The following TUBGCP3 variants were observed in gnomAD, a reference collection of about 807,000 sequenced individuals.
The protein encoded by TUBGCP3 is gamma-tubulin complex component 3.
Under a neutral mutation model 123.1 loss-of-function variants are expected in TUBGCP3, and 50 were observed. The observed-to-expected ratio is 0.41, with a 90% CI of 0.32 to 0.51. The LOEUF (loss-of-function observed/expected upper bound fraction) is 0.51, where lower values mean the gene tolerates loss of function less well. Ranked by LOEUF, TUBGCP3 falls within the 20% of genes least tolerant of loss-of-function variation. The probability of loss-of-function intolerance (pLI) is 0.36; values close to 1 mark genes in which losing one functional copy is unlikely to be tolerated. For missense variants in TUBGCP3, 882 were observed against 1,127.0 expected (o/e 0.78, Z 3.11); for synonymous variants, 405 against 413.9 (o/e 0.98, Z 0.26).
In TUBGCP3 at chr13:112,561,891, T is replaced by C. The variant is rs552081879; in HGVS notation, c.253-2492A>G. On this transcript the variant is annotated intron_variant, in intron 3 of 21. Transcript: ENST00000261965. ...ATGAACAAAATTATGCACCAAAAAC[T>C]TAGCAAGTGACATAAAGGAGGAGGC... Among the ~76,000 whole-genome samples, 15 of 152,272 alleles carry C rather than the reference T, an allele frequency of 9.9e-5. 1 individual carries two copies. In the South Asian group the frequency reaches 3.1e-3, roughly 32 times the overall value.
chr13:112,504,561 T>C, intron 18 of TUBGCP3, 65 bp downstream of exon 18: 2 of 1,028,262 alleles, frequency 1.9e-6, no homozygotes, highest in Non-Finnish European at 3.0e-6. Context: ...TATATATATA[T>C]ATACCATGTA....
At chr13:112,531,211 A>G (rs1315202213) in intron 11 of TUBGCP3, among the ~76,000 whole-genome samples, 4 of 152,234 alleles carry the variant, frequency 2.6e-5, no homozygotes, top group Non-Finnish European at 5.9e-5. Flanking sequence ...AGGCACATGA[A>G]TAAGTGCCAA....
intron 14 of TUBGCP3, 70 bp downstream of exon 14, chr13:112,522,250 C>A (rs1876687601): frequency 1.6e-6 from 2 of 1,229,568 alleles, no homozygotes; most frequent in Non-Finnish European, 1.1e-6. Flanking sequence ...ATAATTTATT[C>A]TTTTAAATAC....
chr13:112,522,454 A>C lies in TUBGCP3; in HGVS notation c.1611T>G (p.Ala537=), dbSNP rs1368182310. ...ACAGGTATTTGCTGGTCTCAAAATA[A>C]GCAGCATCAATCTTCCCCTGAAATG... The part of the protein sequence containing the change: ...ENAFQGKIDA[A]YFETSKYLLD... Residue 537 remains alanine (A), a synonymous_variant, in exon 14 of 22, where the codon GCT becomes GCG. Transcript: ENST00000261965. 7 of 1,614,148 alleles carry C rather than the reference A, an allele frequency of 4.3e-6. No homozygotes were observed. The East Asian group carries it at 1.6e-4, about 36-fold the overall frequency.
chr13:112,534,719 A>G (rs1350302723), intron 11 of TUBGCP3, among the ~76,000 whole-genome samples: 1 of 152,152 alleles, frequency 6.6e-6, no homozygotes, highest in Admixed American at 6.5e-5. Context: ...CACAGGAGCT[A>G]CCGTAGCCGG....
In TUBGCP3 at chr13:112,524,273, AT is replaced by A. The variant is rs1225530852; in HGVS notation, c.1556-1765del. ...GTTAAATTGTCTTGGTTTTTTGTGT[AT>A]TTTTTTAGTGGCTGCCTTTTTTTAA... On this transcript the variant is annotated intron_variant, in intron 13 of 21. Transcript: ENST00000261965. This position sits in a 1 kb window ranked among gnomAD's most constrained non-coding sequence, Gnocchi z 4.4. Among the ~76,000 whole-genome samples the A allele has an allele frequency of 2.0e-5, 3 of 152,124 alleles. No homozygotes were observed. Among genetic ancestry groups the A allele is most frequent in the Non-Finnish European group, 4.4e-5 (3 of 68,024 alleles).
rs1400140407 is a variant in TUBGCP3, at chr13:112,555,998, G to T, written c.721+54C>A. On this transcript the variant is annotated intron_variant, in intron 6 of 21. Coordinates refer to ENST00000261965, the MANE Select transcript of TUBGCP3 (RefSeq NM_006322.6). Reference sequence around the variant, plus strand: ...TGGGCTGTACTTTAAAATAAGGAGAGGCTGAATTCCAAGTGTTCACAGAAA... The same window carrying T: ...TGGGCTGTACTTTAAAATAAGGAGATGCTGAATTCCAAGTGTTCACAGAAA... 4 of 1,551,532 alleles carry T rather than the reference G, an allele frequency of 2.6e-6. No homozygotes were observed. In the East Asian group the frequency reaches 9.1e-5, roughly 35 times the overall value.
chr13:112,487,782 C>T (rs954351538), intron 21 of TUBGCP3, among the ~76,000 whole-genome samples: 6 of 152,098 alleles, frequency 3.9e-5, no homozygotes, highest in African/African-American at 1.2e-4. Flanking sequence ...AGACTAAGAC[C>T]ACTTGTAAAA....
In TUBGCP3 at chr13:112,565,117, A is replaced by G; in HGVS notation, c.246T>C (p.His82=). The G allele has an allele frequency of 6.2e-7, 1 of 1,613,832 alleles. No homozygotes were observed. Among genetic ancestry groups the G allele is most frequent in the Non-Finnish European group, 8.5e-7 (1 of 1,179,936 alleles). ...ALFSELHRKL[H]SQGVLKNKWS... is the part of the protein sequence containing the mutation. ...CCAGAATTCTGCACTGTACCTGTGAATGAAGTTTTCTGTGGAGTTCTGAAA... is the reference window on the plus strand; with the variant it reads ...CCAGAATTCTGCACTGTACCTGTGAGTGAAGTTTTCTGTGGAGTTCTGAAA... The change falls in exon 3 of 22, where the codon CAT becomes CAC. Residue 82 remains histidine, a synonymous_variant. Coordinates refer to ENST00000261965, the MANE Select transcript of TUBGCP3 (RefSeq NM_006322.6).
At position 112,547,752 on chromosome 13, in the gene TUBGCP3, G is replaced by A. The variant is rs369998739; in HGVS notation, c.1036C>T (p.Leu346=). Residue 346 remains leucine, a splice_region_variant and synonymous_variant, in exon 10 of 22, where the codon CTA becomes TTA. Transcript: ENST00000261965. ...YRLLSVLHSQ[L]QLEDDQGVNL... ...ACACCCTGGTCATCCTCTAGTTGTA[G>A]CTAAAAAACAATAAAGATAGAAATG... is the stretch of plus-strand genomic sequence containing the variant. 16 of 1,468,716 alleles carry A rather than the reference G, an allele frequency of 1.1e-5. No individual in the cohort carries two copies. Among genetic ancestry groups the A allele is most frequent in the Non-Finnish European group, 1.3e-5 (14 of 1,105,756 alleles). 91.0% of individuals were successfully genotyped at this position (1,468,716 alleles called of 1,614,324 possible). A position where few individuals can be genotyped will look rare whatever the true frequency, so the allele number is the denominator to read the frequency against.
intron 11 of TUBGCP3, among the ~76,000 whole-genome samples, chr13:112,540,384 G>A (rs9550134): frequency 7.3e-6 from 1 of 136,572 alleles, no homozygotes; most frequent in Non-Finnish European, 1.6e-5. Context: ...ATACCTGGGA[G>A]TGATGACGTC....
chr13:112,595,053 C>T, the TUBGCP3 span, among the ~76,000 whole-genome samples: 1 of 152,172 alleles, frequency 6.6e-6, no homozygotes, highest in Non-Finnish European at 1.5e-5. Flanking sequence ...TCCAAATACC[C>T]ATTAGATCCA....
In TUBGCP3 at chr13:112,499,005, A is replaced by G. The variant is rs192309114; in HGVS notation, c.2448+40T>C. ...GATTATCGTGTGTGGCAAGGAGTTC[A>G]TTATTCAAATAGATAAATTCACAAG... On this transcript the variant is annotated intron_variant, in intron 20 of 21. Transcript: ENST00000261965. 7.7e-4 allele frequency: 1,243 copies of G among 1,614,212 alleles called. 14 individuals are homozygous for G. In the African/African-American group the frequency reaches 0.014, roughly 19 times the overall value.
rs1165024812 is a variant in TUBGCP3 at position 112,545,190 on chromosome 13, A to G, written c.1335+509T>C. 1 of 154,830 alleles carries G rather than the reference A, an allele frequency of 6.5e-6. No individual in the cohort carries two copies. The highest frequency in any genetic ancestry group is 1.4e-5 in the Non-Finnish European group (1 of 69,600). 9.6% of individuals were successfully genotyped at this position (154,830 alleles called of 1,614,324 possible). ...AAAGGTTTTGAGTGTGGTGCCCCTC[A>G]CCCTACCTTCCACCAAAAGCCCTAT... On this transcript the variant is annotated intron_variant, in intron 11 of 21. Coordinates refer to ENST00000261965, the MANE Select transcript of TUBGCP3 (RefSeq NM_006322.6). This position sits in a 1 kb window ranked among gnomAD's most constrained non-coding sequence, Gnocchi z 4.1.
chr13:112,491,447 G>A (rs573301735), intron 20 of TUBGCP3, among the ~76,000 whole-genome samples: 2 of 152,286 alleles, frequency 1.3e-5, no homozygotes, highest in East Asian at 3.9e-4. Flanking sequence ...CCCACACTGC[G>A]TGGTCCTCAC....
At chr13:112,573,486 T>C (rs1881575015) in intron 1 of TUBGCP3, among the ~76,000 whole-genome samples, 1 of 152,074 alleles carries the variant, frequency 6.6e-6, no homozygotes, top group Non-Finnish European at 1.5e-5. Context: ...GGAAGGGCCT[T>C]GGAAGTTACA....
Position 112,569,127 on chromosome 13 carries a change from CAT to C in TUBGCP3, c.184+23_184+24del, listed in dbSNP as rs765953614. 103 of 1,609,752 alleles carry C rather than the reference CAT, an allele frequency of 6.4e-5. No individual in the cohort carries two copies. The African/African-American group carries it at 7.6e-4, about 12-fold the overall frequency. The stretch of plus-strand genomic sequence containing the variant: ...CTCTGACGAGTTTAAGAATCCAACA[CAT>C]GACATTTAAGAAAAATACGTACGCT... On this transcript the variant is annotated intron_variant, in intron 2 of 21. Coordinates refer to ENST00000261965, the MANE Select transcript of TUBGCP3 (RefSeq NM_006322.6).
At chr13:112,537,776 CT>C (rs1466159342) in intron 11 of TUBGCP3, among the ~76,000 whole-genome samples, 1 of 152,176 alleles carries the variant, frequency 6.6e-6, no homozygotes, top group African/African-American at 2.4e-5. Flanking sequence ...CTGCACTTTT[CT>C]TTGCTAAAGT....
At chr13:112,488,883 G>A (rs1879869690) in intron 21 of TUBGCP3, among the ~76,000 whole-genome samples, 1 of 143,432 alleles carries the variant, frequency 7.0e-6, no homozygotes, top group African/African-American at 2.6e-5. Flanking sequence ...CCACCACAGG[G>A]GAGCACAGGG....
Sources: allele counts gnomAD v4.1 joint callset (sites outside exome capture counted in the v4.1 genomes callset), GRCh38; gene constraint gnomAD v4.1.1; non-coding constraint Gnocchi (gnomAD v3.1); transcripts MANE v1.5; gene names NCBI Gene and HGNC (gene_info 2026-07-23, HGNC 2026-07-21).